The following FBXL20 variants were observed in gnomAD, a reference collection of about 807,000 sequenced individuals.
FBXL20 encodes F-box and leucine rich repeat protein 20.
In FBXL20, 11 loss-of-function variants were observed where a neutral mutation model predicts 64.0. The observed-to-expected ratio is 0.17, with a 90% CI of 0.11 to 0.28. FBXL20 has a LOEUF of 0.28. Ranked by LOEUF, FBXL20 falls within the 10% of genes least tolerant of loss-of-function variation. The pLI is 1.00. For synonymous variants in FBXL20, 184 were observed against 189.0 expected (o/e 0.97, Z 0.22); for missense variants, 303 against 526.2 (o/e 0.58, Z 4.15).
intron 3 of FBXL20, among the ~76,000 whole-genome samples, chr17:39,302,992 A>G (rs1489058948): frequency 6.6e-6 from 1 of 151,020 alleles, no homozygotes; most frequent in Non-Finnish European, 1.5e-5. Flanking sequence ...GCTCACTGCA[A>G]GCTCCGATTC....
intron 1 of FBXL20, 111 bp downstream of exon 1, chr17:39,401,250 T>A: frequency 6.3e-7 from 1 of 1,583,228 alleles, no homozygotes. Context: ...GCCCCGCCAG[T>A]GGGTGGGTGA....
chr17:39,338,134 T>C (rs547237008), intron 2 of FBXL20, among the ~76,000 whole-genome samples: 1 of 152,326 alleles, frequency 6.6e-6, no homozygotes, highest in Admixed American at 6.5e-5. Context: ...AATCGGATGG[T>C]TGCCGTGTCT....
rs2046725478 is a variant in FBXL20, at chr17:39,259,410, C to G, written c.*2050G>C. 6.6e-6 allele frequency: 1 copy of G among 152,096 alleles called. No homozygotes were observed. The highest frequency in any genetic ancestry group is 1.5e-5 in the Non-Finnish European group (1 of 68,016). 9.4% of individuals were successfully genotyped at this position (152,096 alleles called of 1,614,324 possible). ...GCACATTAATGTCTCAAAGGACACC[C>G]CCCGCCAAAATCACCCTACTAAAAA... is the stretch of plus-strand genomic sequence containing the variant. On this transcript the variant is annotated 3_prime_UTR_variant, in exon 15 of 15. Coordinates refer to ENST00000264658, the MANE Select transcript of FBXL20 (RefSeq NM_032875.3).
Position 39,259,356 on chromosome 17 carries a change from C to T in FBXL20, c.*2104G>A, listed in dbSNP as rs1161496938. On this transcript the variant is annotated 3_prime_UTR_variant, in exon 15 of 15. Coordinates refer to ENST00000264658, the MANE Select transcript of FBXL20 (RefSeq NM_032875.3). Reference sequence around the variant, plus strand: ...AAACAAGCCTTTTAATAGTCTGGATCATATAGAAGATTAATATTATGATGG... The same window carrying T: ...AAACAAGCCTTTTAATAGTCTGGATTATATAGAAGATTAATATTATGATGG... The T allele has an allele frequency of 6.6e-6, 1 of 151,944 alleles. No homozygotes were observed. The highest frequency in any genetic ancestry group is 1.5e-5 in the Non-Finnish European group (1 of 67,974). 9.4% of individuals were successfully genotyped at this position (151,944 alleles called of 1,614,324 possible).
chr17:39,370,947 GTTGGCT>G (rs2047912518), intron 1 of FBXL20, among the ~76,000 whole-genome samples: 1 of 152,114 alleles, frequency 6.6e-6, no homozygotes, highest in Non-Finnish European at 1.5e-5. Flanking sequence ...GACCGAGGGT[GTTGGCT>G]CACGCCTATA....
At chr17:39,264,639 T>G (rs1012452691) in intron 13 of FBXL20, among the ~76,000 whole-genome samples, 15 of 152,224 alleles carry the variant, frequency 9.9e-5, no homozygotes, top group African/African-American at 3.6e-4. Flanking sequence ...AAGTAGTTCA[T>G]AAACAAAATA....
At chr17:39,367,869 T>C (rs910002339) in intron 1 of FBXL20, among the ~76,000 whole-genome samples, 3 of 151,966 alleles carry the variant, frequency 2.0e-5, no homozygotes, top group African/African-American at 7.2e-5. Flanking sequence ...GTTCAAGAGA[T>C]TCTCCTGCCT....
chr17:39,347,614 TA>T (rs2047646998), intron 1 of FBXL20, among the ~76,000 whole-genome samples: 1 of 152,196 alleles, frequency 6.6e-6, no homozygotes, highest in Non-Finnish European at 1.5e-5. Flanking sequence ...GGGAAGATTG[TA>T]AAAATTTTCT....
At chr17:39,386,618 C>T (rs894804456) in intron 1 of FBXL20, among the ~76,000 whole-genome samples, 17 of 152,072 alleles carry the variant, frequency 1.1e-4, no homozygotes, top group Admixed American at 9.8e-4. Flanking sequence ...AGTGAGACTC[C>T]GTCTCAAAAA....
chr17:39,334,008 T>C (rs1039037740), intron 2 of FBXL20, among the ~76,000 whole-genome samples: 3 of 152,168 alleles, frequency 2.0e-5, no homozygotes, highest in Admixed American at 6.5e-5. Context: ...ACGATGACGA[T>C]GGCAGTTTGG....
At chr17:39,401,254 T>TA in intron 1 of FBXL20, 107 bp downstream of exon 1, 1 of 1,586,390 alleles carries the variant, frequency 6.3e-7, no homozygotes, top group African/African-American at 1.4e-5. Flanking sequence ...CGCCAGTGGG[T>TA]GGGTGACGGC....
At chr17:39,396,187 TC>T (rs2144686455) in intron 1 of FBXL20, among the ~76,000 whole-genome samples, 1 of 152,082 alleles carries the variant, frequency 6.6e-6, no homozygotes, top group South Asian at 2.1e-4. Flanking sequence ...AATATGATCC[TC>T]TGCTTTTATT....
chr17:39,284,703 C>T (rs964456184), intron 7 of FBXL20, among the ~76,000 whole-genome samples: 6 of 151,968 alleles, frequency 3.9e-5, no homozygotes, highest in African/African-American at 1.2e-4. Flanking sequence ...CTTTTTAAAG[C>T]ACTTTATATT....
chr17:39,281,467 G>C lies in FBXL20; in HGVS notation c.622-4C>G. ...ACTTGAGAGCTTCATCTTCTAGCTA[G>C]AAAGATTAAAAAGTAAGAAAAAAAT... On this transcript the variant is annotated splice_polypyrimidine_tract_variant and splice_region_variant and intron_variant, in intron 8 of 14. Coordinates refer to ENST00000264658, the MANE Select transcript of FBXL20 (RefSeq NM_032875.3). 6.2e-7 allele frequency: 1 copy of C among 1,610,682 alleles called. No homozygotes were observed. The highest frequency in any genetic ancestry group is 2.2e-5 in the East Asian group (1 of 44,782).
chr17:39,331,056 A>G (rs1433017948), intron 2 of FBXL20, among the ~76,000 whole-genome samples: 5 of 152,038 alleles, frequency 3.3e-5, no homozygotes, highest in Non-Finnish European at 1.5e-5. Context: ...CAACACAACA[A>G]TCTCTCTCAT....
At chr17:39,284,538 G>A (rs755567503) in intron 7 of FBXL20, among the ~76,000 whole-genome samples, 4 of 152,006 alleles carry the variant, frequency 2.6e-5, no homozygotes, top group African/African-American at 9.7e-5. Flanking sequence ...ATGCCACCAC[G>A]CCTGGCAAAT....
Position 39,281,471 on chromosome 17 carries a change from G to A in FBXL20, c.622-8C>T. The A allele has an allele frequency of 6.2e-7, 1 of 1,608,464 alleles. No homozygotes were observed. Among genetic ancestry groups the A allele is most frequent in the Non-Finnish European group, 8.5e-7 (1 of 1,176,418 alleles). ...GAGAGCTTCATCTTCTAGCTAGAAA[G>A]ATTAAAAAGTAAGAAAAAAATGATT... On this transcript the variant is annotated splice_polypyrimidine_tract_variant and splice_region_variant and intron_variant, in intron 8 of 14. Coordinates refer to ENST00000264658, the MANE Select transcript of FBXL20 (RefSeq NM_032875.3).
At chr17:39,401,118 C>G (rs943555981) in intron 1 of FBXL20, among the ~76,000 whole-genome samples, 1 of 152,180 alleles carries the variant, frequency 6.6e-6, no homozygotes, top group Non-Finnish European at 1.5e-5. Flanking sequence ...TTAGGGCGCC[C>G]GAGCTAATCC....
intron 9 of FBXL20, among the ~76,000 whole-genome samples, chr17:39,279,735 A>G (rs2046931469): frequency 6.6e-6 from 1 of 151,954 alleles, no homozygotes; most frequent in Non-Finnish European, 1.5e-5. Context: ...ATCTCTACAA[A>G]AAAAATACAA....
Sources: gnomAD v4.1 joint callset for allele counts (sites outside exome capture counted in the v4.1 genomes callset) on GRCh38, gnomAD v4.1.1 for gene constraint, MANE v1.5 for transcripts, NCBI Gene and HGNC (gene_info 2026-07-23, HGNC 2026-07-21) for gene names.